Variants in NUP210 observed in about 807,000 individuals in gnomAD.
NUP210 encodes the protein nuclear pore membrane glycoprotein 210.
NUP210 carries 151 observed loss-of-function variants against 196.0 expected under a neutral mutation model. That is an observed-to-expected ratio of 0.77 (90% confidence interval 0.67 to 0.88). The LOEUF (loss-of-function observed/expected upper bound fraction) is 0.88. Among genes scored for constraint, NUP210 ranks in the 40% least tolerant of loss-of-function variants. The pLI is 0.00. For missense variants in NUP210, 2,314 were observed against 2,493.7 expected, an observed-to-expected ratio of 0.93 and a Z score of 1.53; for synonymous variants, 1,070 against 1,052.7, an observed-to-expected ratio of 1.02 and a Z score of -0.32.
intron 36 of NUP210, 107 bp downstream of exon 36, chr3:13,321,478 T>A (rs1559303705): frequency 3.2e-6 from 4 of 1,246,506 alleles, no homozygotes; most frequent in Non-Finnish European, 2.2e-6. Flanking sequence ...AAAAATAAAT[T>A]TTAAAGAGAG....
At chr3:13,375,477 C>T in intron 11 of NUP210, 27 bp downstream of exon 11, 1 of 1,599,990 alleles carries the variant, frequency 6.3e-7, no homozygotes, top group Non-Finnish European at 8.5e-7. Context: ...CAAAGGAATG[C>T]ACGCAGAGGT....
chr3:13,351,955 G>GAGCCTTC lies in NUP210; in HGVS notation c.2752_2758dup (p.Ser920Ter). ...GCTGGTGTTGAGGAAGAAGTAACCT[G>GAGCCTTC]AGCCTTCCCTGATGCGGAGCTCTGC... is the stretch of plus-strand genomic sequence containing the variant. On this transcript the variant is annotated stop_gained and frameshift_variant, in exon 20 of 40. Transcript: ENST00000254508. LOFTEE classifies it high-confidence loss of function. 1 of 1,612,376 alleles carries GAGCCTTC rather than the reference G, an allele frequency of 6.2e-7. No homozygotes were observed. The highest frequency in any genetic ancestry group is 8.5e-7 in the Non-Finnish European group (1 of 1,178,722).
intron 1 of NUP210, among the ~76,000 whole-genome samples, chr3:13,404,111 C>T (rs1179841639): frequency 6.6e-6 from 1 of 152,234 alleles, no homozygotes. Context: ...TGACTTCCTT[C>T]CCGGGCATTT....
rs1316663599 is a variant in NUP210 at position 13,384,679 on chromosome 3, C to A, written c.817+1596G>T. Among the ~76,000 whole-genome samples, 2 of 152,264 alleles carry A rather than the reference C, an allele frequency of 1.3e-5. 1 individual carries two copies. Among genetic ancestry groups the A allele is most frequent in the South Asian group, 4.1e-4 (2 of 4,834 alleles). On this transcript the variant is annotated intron_variant, in intron 6 of 39. Transcript: ENST00000254508. ...GTCAGCAGTGACTAGGCTCTCCAAG[C>A]GTCTTCCTTCAGGCCGCAGTGCCAT...
intron 21 of NUP210, among the ~76,000 whole-genome samples, chr3:13,342,507 A>C (rs1697553014): frequency 6.6e-6 from 1 of 152,218 alleles, no homozygotes; most frequent in African/African-American, 2.4e-5. Context: ...ACAGCGAAGA[A>C]ACAGATGATT....
intron 1 of NUP210, among the ~76,000 whole-genome samples, chr3:13,406,898 G>C (rs1363546569): frequency 6.7e-6 from 1 of 149,954 alleles, no homozygotes; most frequent in Non-Finnish European, 1.5e-5. Context: ...TGGTGCGTGT[G>C]GCTTTCCCAG....
chr3:13,329,035 C>T (rs1696891971), intron 30 of NUP210, 89 bp from the exon 31 acceptor site: 2 of 1,149,086 alleles, frequency 1.7e-6, no homozygotes, highest in Admixed American at 2.0e-5. Flanking sequence ...GACACCTGCC[C>T]CCAGCAGGAT....
chr3:13,390,640 C>T (rs545266613), intron 4 of NUP210, among the ~76,000 whole-genome samples: 40 of 152,352 alleles, frequency 2.6e-4, no homozygotes, highest in African/African-American at 9.4e-4. Flanking sequence ...TCTGTCCTCC[C>T]GGAGCTCAGA....
At chr3:13,401,407 A>G (rs1487899516) in intron 1 of NUP210, among the ~76,000 whole-genome samples, 1 of 151,928 alleles carries the variant, frequency 6.6e-6, no homozygotes, top group Non-Finnish European at 1.5e-5. Flanking sequence ...CTCCGACACC[A>G]CCTGGCCACA....
intron 30 of NUP210, among the ~76,000 whole-genome samples, chr3:13,330,130 A>G (rs2124842138): frequency 6.6e-6 from 1 of 152,400 alleles, no homozygotes; most frequent in African/African-American, 2.4e-5. Flanking sequence ...ATCAGTGGCC[A>G]GGCACAGTGG....
intron 32 of NUP210, 65 bp downstream of exon 32, chr3:13,327,152 A>T (rs1696790686): frequency 7.5e-7 from 1 of 1,328,628 alleles, no homozygotes; most frequent in Non-Finnish European, 1.0e-6. Flanking sequence ...CTGCCCAGGT[A>T]GCCCCCACCC....
intron 6 of NUP210, among the ~76,000 whole-genome samples, chr3:13,386,062 T>C (rs1287506598): frequency 1.3e-5 from 2 of 152,024 alleles, no homozygotes; most frequent in African/African-American, 4.8e-5. Context: ...GAAGGGGAGT[T>C]AGTGTTTAAC....
At chr3:13,390,793 C>T (rs547369334) in intron 4 of NUP210, among the ~76,000 whole-genome samples, 16 of 152,316 alleles carry the variant, frequency 1.1e-4, no homozygotes, top group South Asian at 2.1e-4. Flanking sequence ...CTTACTATAC[C>T]GCCATATGGG....
chr3:13,375,405 C>T, intron 11 of NUP210, 99 bp downstream of exon 11: 1 of 1,162,328 alleles, frequency 8.6e-7, no homozygotes, highest in Non-Finnish European at 1.2e-6. Context: ...TTCTCCACAA[C>T]CACTAGAGAG....
chr3:13,349,386 C>T (rs545792675), intron 20 of NUP210, among the ~76,000 whole-genome samples: 1 of 152,332 alleles, frequency 6.6e-6, no homozygotes, highest in African/African-American at 2.4e-5. Context: ...GGAAAGTGGG[C>T]TCAGAGGTGG....
rs556186309 is a variant in NUP210, at chr3:13,412,511, C to T, written c.167+7549G>A. ...GGCTGATCACCTGAGGTCGGGAGTT[C>T]GAGACCAGCCTGGCCAACATGGCGA... On this transcript the variant is annotated intron_variant, in intron 1 of 39. Transcript: ENST00000254508. Among the ~76,000 whole-genome samples the T allele has an allele frequency of 6.6e-5, 10 of 152,024 alleles. No individual in the cohort carries two copies. In the South Asian group the frequency reaches 1.0e-3, roughly 16 times the overall value.
Position 13,341,741 on chromosome 3 carries a change from G to T in NUP210, c.3228+7C>A. On this transcript the variant is annotated splice_region_variant and intron_variant, in intron 23 of 39. Transcript: ENST00000254508. ...ATCCCACATGGTGTGGGAAGAACTC[G>T]TCTTACTTCAATCTGTTGTGGGGCT... 6.2e-7 allele frequency: 1 copy of T among 1,614,116 alleles called. No individual in the cohort carries two copies. Among genetic ancestry groups the T allele is most frequent in the East Asian group, 2.2e-5 (1 of 44,884 alleles).
At chr3:13,374,544 C>T (rs1463824231) in intron 11 of NUP210, among the ~76,000 whole-genome samples, 1 of 152,144 alleles carries the variant, frequency 6.6e-6, no homozygotes, top group Non-Finnish European at 1.5e-5. Context: ...TTTCTGTCCT[C>T]ATATTCTGGG....
chr3:13,340,236 C>T lies in NUP210; in HGVS notation c.3291G>A (p.Gln1097=). ...CAGGACGTGGCCTCTTGGCTCTCAC[C>T]TGCATCGTGGCCCCGATAAGCAGTG... ...KVTLLIGATM[Q]VTSEGGPQPQ... The change falls in exon 24 of 40, where the codon CAG becomes CAA. Residue 1097 remains glutamine, a splice_region_variant and synonymous_variant. Transcript: ENST00000254508. This position sits in a 1 kb window ranked among gnomAD's most constrained non-coding sequence, Gnocchi z 4.0. The T allele has an allele frequency of 2.5e-6, 4 of 1,613,456 alleles. No homozygotes were observed. The East Asian group carries it at 8.9e-5, about 36-fold the overall frequency.
Sources: allele counts gnomAD v4.1 joint callset (sites outside exome capture counted in the v4.1 genomes callset), GRCh38; gene constraint gnomAD v4.1.1; non-coding constraint Gnocchi (gnomAD v3.1); transcripts MANE v1.5; gene names NCBI Gene and HGNC (gene_info 2026-07-23, HGNC 2026-07-21).